The following ABCG2 variants were observed in gnomAD, a reference collection of about 807,000 sequenced individuals.
ABCG2 encodes ATP binding cassette subfamily G member 2 (JR blood group).
Under a neutral mutation model 73.5 loss-of-function variants are expected in ABCG2, and 80 were observed. The observed-to-expected ratio is 1.09, with a 90% CI of 0.91 to 1.31. ABCG2 has a LOEUF of 1.31. Among genes scored for constraint, ABCG2 ranks in the 50% most tolerant of loss-of-function variants. The pLI, the probability that ABCG2 is intolerant of heterozygous loss-of-function variation, is 0.00. For missense variants in ABCG2, 796 were observed against 786.2 expected (o/e 1.01, Z -0.15); for synonymous variants, 269 against 282.4 (o/e 0.95, Z 0.48).
intron 1 of ABCG2, among the ~76,000 whole-genome samples, chr4:88,178,634 G>A (rs1560739953): frequency 6.6e-6 from 1 of 152,194 alleles, no homozygotes. Context: ...CCTGATTCCA[G>A]GCCTTGGTTC....
chr4:88,209,984 AGAT>A (rs200578041), intron 1 of ABCG2, among the ~76,000 whole-genome samples: 1,623 of 152,292 alleles, frequency 0.011, 16 homozygotes, highest in Admixed American at 0.016. Flanking sequence ...CCCTAGTGGT[AGAT>A]CACTCTTTGA....
intron 1 of ABCG2, among the ~76,000 whole-genome samples, chr4:88,223,264 G>A (rs1730078702): frequency 6.6e-6 from 1 of 152,112 alleles, no homozygotes; most frequent in Non-Finnish European, 1.5e-5. Flanking sequence ...TAAAATGTGA[G>A]GACATGAGAT....
At chr4:88,187,193 T>C (rs1400364387) in intron 1 of ABCG2, among the ~76,000 whole-genome samples, 1 of 147,750 alleles carries the variant, frequency 6.8e-6, no homozygotes, top group Non-Finnish European at 1.5e-5. Flanking sequence ...TACAAAAATA[T>C]AATTAGATGG....
At chr4:88,173,637 A>T (rs1727845946) in intron 1 of ABCG2, among the ~76,000 whole-genome samples, 1 of 152,132 alleles carries the variant, frequency 6.6e-6, no homozygotes, top group Non-Finnish European at 1.5e-5. Flanking sequence ...CATTTATTTT[A>T]TTTTAGTGGA....
At chr4:88,159,609 G>A (rs1411411193), upstream of ABCG2, among the ~76,000 whole-genome samples, 1 of 152,098 alleles carries the variant, frequency 6.6e-6, no homozygotes, top group African/African-American at 2.4e-5. Flanking sequence ...TCTACCCTAG[G>A]AAATTAGTAC....
At position 88,131,073 on chromosome 4, in the gene ABCG2, CACTTT is replaced by C; in HGVS notation, c.514_518del (p.Lys172GlyfsTer22). On this transcript the variant is annotated frameshift_variant, in exon 5 of 16. Transcript: ENST00000237612. LOFTEE classifies it high-confidence loss of function. Reference sequence around the variant, plus strand: ...TTTTCCACATTACCTTGGAGTCTGCCACTTTATCCAGACCTAACTCTTGAATGACC... The same window carrying C: ...TTTTCCACATTACCTTGGAGTCTGCCATCCAGACCTAACTCTTGAATGACC... 4 of 1,613,920 alleles carry C rather than the reference CACTTT, an allele frequency of 2.5e-6. No homozygotes were observed. Among genetic ancestry groups the C allele is most frequent in the Non-Finnish European group, 3.4e-6 (4 of 1,179,950 alleles).
At chr4:88,157,772 T>C (rs2622604) in intron 1 of ABCG2, among the ~76,000 whole-genome samples, 121,450 of 152,060 alleles carry the variant, frequency 0.8, 48,752 homozygotes, top group African/African-American at 0.87. Context: ...ACTACTCTGG[T>C]GTATTTATTT....
intron 1 of ABCG2, among the ~76,000 whole-genome samples, chr4:88,213,769 G>A (rs566551531): frequency 1.3e-5 from 2 of 151,084 alleles, no homozygotes; most frequent in South Asian, 2.1e-4. Flanking sequence ...TTCAACCTCC[G>A]CCTCCCGGAT....
intron 1 of ABCG2, among the ~76,000 whole-genome samples, chr4:88,178,817 G>A (rs1275338965): frequency 6.6e-6 from 1 of 152,134 alleles, no homozygotes; most frequent in Non-Finnish European, 1.5e-5. Context: ...TCTGCTTGTG[G>A]AAATGAGAGG....
rs1721601850 is a variant in ABCG2 at position 88,090,922 on chromosome 4, CT to C, written c.*1311del. ...GAGCAAAGAGTAGACAGGAACTTTC[CT>C]CACTATCTTTGCAACTTTTCTGTCA... On this transcript the variant is annotated 3_prime_UTR_variant, in exon 16 of 16. Transcript: ENST00000237612. The C allele has an allele frequency of 6.6e-6, 1 of 152,204 alleles. No individual in the cohort carries two copies. The highest frequency in any genetic ancestry group is 1.5e-5 in the Non-Finnish European group (1 of 68,040). The allele number at this position is 152,204 out of a possible 1,614,324, so 9.4% of individuals were successfully genotyped here.
intron 5 of ABCG2, among the ~76,000 whole-genome samples, chr4:88,129,200 C>T (rs1445789529): frequency 6.6e-6 from 1 of 152,090 alleles, no homozygotes; most frequent in Non-Finnish European, 1.5e-5. Context: ...TTTTCAATTA[C>T]CATGAGGCTC....
At chr4:88,203,255 G>A (rs185419336) in intron 1 of ABCG2, among the ~76,000 whole-genome samples, 4 of 152,140 alleles carry the variant, frequency 2.6e-5, no homozygotes, top group African/African-American at 9.6e-5. Context: ...AGAACTGAGG[G>A]AAAGACCAGA....
rs571023945 is a variant in ABCG2, at chr4:88,224,797, G to A, written c.-20+6197C>T. 3.3e-4 allele frequency among the ~76,000 whole-genome samples: 51 copies of A among 152,274 alleles called. 1 individual carries two copies. The highest frequency in any genetic ancestry group is 2.5e-3 in the East Asian group (13 of 5,186). On this transcript the variant is annotated intron_variant, in intron 1 of 15. Coordinates refer to the ABCG2 transcript ENST00000515655. ...ACTGCCACAGCCAACGTCATGAAGC[G>A]TTCCCCTACGTTATCTTCTAAGAGT...
intron 13 of ABCG2, among the ~76,000 whole-genome samples, chr4:88,096,046 C>T (rs1721963190): frequency 6.6e-6 from 1 of 152,216 alleles, no homozygotes; most frequent in Non-Finnish European, 1.5e-5. Context: ...CTGCACCTCA[C>T]ATAAGATTTG....
chr4:88,192,110 G>A (rs1728713249), intron 1 of ABCG2, among the ~76,000 whole-genome samples: 1 of 151,882 alleles, frequency 6.6e-6, no homozygotes, highest in Non-Finnish European at 1.5e-5. Flanking sequence ...GAACTCGGGA[G>A]GTGGAGGTTG....
chr4:88,224,348 G>A (rs1372527566), intron 1 of ABCG2, among the ~76,000 whole-genome samples: 1 of 152,150 alleles, frequency 6.6e-6, no homozygotes, highest in African/African-American at 2.4e-5. Context: ...TAAAGTGGGA[G>A]GATCACCTGA....
intron 7 of ABCG2, 76 bp downstream of exon 7, chr4:88,118,033 C>T: frequency 1.4e-6 from 2 of 1,449,980 alleles, no homozygotes; most frequent in Non-Finnish European, 1.9e-6. Context: ...CCAAACAGCA[C>T]TCCTGCAGAC....
intron 1 of ABCG2, among the ~76,000 whole-genome samples, chr4:88,167,009 A>G (rs2110090206): frequency 6.6e-6 from 1 of 152,278 alleles, no homozygotes; most frequent in East Asian, 1.9e-4. Flanking sequence ...TGCTTGAGTA[A>G]CAAATTACCA....
chr4:88,222,930 C>G (rs749195842), intron 1 of ABCG2, among the ~76,000 whole-genome samples: 1 of 152,180 alleles, frequency 6.6e-6, no homozygotes, highest in Non-Finnish European at 1.5e-5. Context: ...CCTCTTCCAT[C>G]AGGGTGACTT....
Sources: allele counts gnomAD v4.1 joint callset (sites outside exome capture counted in the v4.1 genomes callset), GRCh38; gene constraint gnomAD v4.1.1; transcripts MANE v1.5; gene names NCBI Gene and HGNC (gene_info 2026-07-23, HGNC 2026-07-21).